Variants in GRIP1 observed in about 807,000 individuals in gnomAD.
GRIP1 encodes glutamate receptor interacting protein 1.
GRIP1 carries 45 observed loss-of-function variants against 129.9 expected under a neutral mutation model. That is an observed-to-expected ratio of 0.35 (90% confidence interval 0.27 to 0.44). The LOEUF (loss-of-function observed/expected upper bound fraction) is 0.44. Among genes scored for constraint, GRIP1 ranks in the 20% least tolerant of loss-of-function variants. The pLI is 1.00. For synonymous variants in GRIP1, 530 were observed against 520.8 expected (o/e 1.02, Z -0.24); for missense variants, 1,196 against 1,396.8 (o/e 0.86, Z 2.29).
At chr12:66,866,468 A>G (rs1051937232) in intron 1 of GRIP1, among the ~76,000 whole-genome samples, 10 of 152,126 alleles carry the variant, frequency 6.6e-5, no homozygotes, top group Non-Finnish European at 1.5e-4. Flanking sequence ...GTCAATTGTC[A>G]GGTCAACTGT....
At chr12:67,030,641 T>G (rs1269372109) in intron 1 of GRIP1, among the ~76,000 whole-genome samples, 1 of 152,218 alleles carries the variant, frequency 6.6e-6, no homozygotes, top group Non-Finnish European at 1.5e-5. Context: ...TCACCAAACC[T>G]TCTGAGAACA....
chr12:66,697,815 T>G (rs958451271), intron 1 of GRIP1, among the ~76,000 whole-genome samples: 1 of 152,200 alleles, frequency 6.6e-6, no homozygotes, highest in African/African-American at 2.4e-5. Flanking sequence ...AGTTCTGGCC[T>G]TATTCAAACT....
intron 23 of GRIP1, among the ~76,000 whole-genome samples, chr12:66,357,280 G>T (rs570305353): frequency 3.9e-5 from 6 of 152,174 alleles, no homozygotes; most frequent in South Asian, 2.1e-4. Flanking sequence ...CCTGTGGTGG[G>T]TTCTCGTCCT....
intron 1 of GRIP1, among the ~76,000 whole-genome samples, chr12:67,022,632 A>G (rs2042884353): frequency 6.6e-6 from 1 of 152,204 alleles, no homozygotes; most frequent in African/African-American, 2.4e-5. Flanking sequence ...AACAATTTGA[A>G]TAGATTTGTA....
chr12:66,879,941 A>C (rs1285864950), intron 1 of GRIP1, among the ~76,000 whole-genome samples: 3 of 152,082 alleles, frequency 2.0e-5, no homozygotes, highest in Non-Finnish European at 2.9e-5. Context: ...CAGTGTAAGA[A>C]AGAGTGAACC....
chr12:66,834,159 CA>C (rs1162713577), intron 1 of GRIP1, among the ~76,000 whole-genome samples: 8 of 115,538 alleles, frequency 6.9e-5, no homozygotes, highest in Admixed American at 1.3e-4. Flanking sequence ...GCCTGTGCAA[CA>C]CAGCGAGACT....
chr12:66,491,347 CACA>C (rs950352386), intron 7 of GRIP1, among the ~76,000 whole-genome samples: 1 of 152,128 alleles, frequency 6.6e-6, no homozygotes, highest in Non-Finnish European at 1.5e-5. Context: ...TTATCCTCAG[CACA>C]ACAACACAGG....
intron 7 of GRIP1, among the ~76,000 whole-genome samples, chr12:66,473,251 C>G (rs1023045200): frequency 6.6e-6 from 1 of 152,222 alleles, no homozygotes; most frequent in African/African-American, 2.4e-5. Flanking sequence ...CTCGGCAAAG[C>G]TGCTGTGGCC....
chr12:66,780,753 G>T (rs1331695440), intron 1 of GRIP1, among the ~76,000 whole-genome samples: 1 of 152,098 alleles, frequency 6.6e-6, no homozygotes, highest in Non-Finnish European at 1.5e-5. Context: ...GACTTTTAAG[G>T]CCAGATCATA....
intron 1 of GRIP1, among the ~76,000 whole-genome samples, chr12:66,598,658 T>A (rs951411770): frequency 4.6e-5 from 7 of 152,214 alleles, no homozygotes; most frequent in Non-Finnish European, 8.8e-5. Flanking sequence ...AAAACAGACG[T>A]ACTATGTATT....
In GRIP1 at chr12:66,589,258, C is replaced by T. The variant is rs566771846; in HGVS notation, c.136+7589G>A. Among the ~76,000 whole-genome samples the T allele has an allele frequency of 2.3e-4, 34 of 148,230 alleles. 1 individual carries two copies. The highest frequency in any genetic ancestry group is 1.5e-3 in the South Asian group (7 of 4,528). ...TCTGTCTCTCTCTCTCTCTTACTCTCGCTCTAGGTTAGGTTACTCCTATGA... is the reference window on the plus strand; with the variant it reads ...TCTGTCTCTCTCTCTCTCTTACTCTTGCTCTAGGTTAGGTTACTCCTATGA... On this transcript the variant is annotated intron_variant, in intron 2 of 24. Transcript: ENST00000359742.
upstream of GRIP1, among the ~76,000 whole-genome samples, chr12:66,806,035 A>C (rs2038986029): frequency 6.6e-6 from 1 of 151,408 alleles, no homozygotes; most frequent in Non-Finnish European, 1.5e-5. Context: ...AACCAAAACA[A>C]ACTAGAACAA....
intron 1 of GRIP1, among the ~76,000 whole-genome samples, chr12:66,635,031 C>T (rs2031217699): frequency 6.6e-6 from 1 of 152,178 alleles, no homozygotes; most frequent in South Asian, 2.1e-4. Context: ...GACAAATAAT[C>T]TGTGACCTCT....
chr12:66,669,268 A>G (rs1003374559), intron 1 of GRIP1, among the ~76,000 whole-genome samples: 1 of 152,004 alleles, frequency 6.6e-6, no homozygotes, highest in African/African-American at 2.4e-5. Flanking sequence ...GGTGCCTGTA[A>G]TCCCAGCTAC....
intron 2 of GRIP1, among the ~76,000 whole-genome samples, chr12:66,595,413 T>C (rs2064010805): frequency 6.6e-6 from 1 of 152,190 alleles, no homozygotes. Context: ...ACATTGATAA[T>C]AGCATATTTG....
chr12:66,506,354 A>G (rs2060526216), intron 7 of GRIP1, among the ~76,000 whole-genome samples: 1 of 152,210 alleles, frequency 6.6e-6, no homozygotes, highest in Non-Finnish European at 1.5e-5. Context: ...CTATAAAACA[A>G]TGAAAAAGAA....
At chr12:66,955,157 G>A (rs2041819530) in intron 1 of GRIP1, among the ~76,000 whole-genome samples, 1 of 152,072 alleles carries the variant, frequency 6.6e-6, no homozygotes, top group Admixed American at 6.5e-5. Context: ...CATTATTATT[G>A]TTTCACCTAT....
At chr12:66,767,344 A>G (rs1481127071) in intron 1 of GRIP1, among the ~76,000 whole-genome samples, 1 of 152,186 alleles carries the variant, frequency 6.6e-6, no homozygotes, top group Non-Finnish European at 1.5e-5. Context: ...AGTTCTCAAA[A>G]GAAGCATCTA....
chr12:66,998,124 T>C (rs978153585), intron 1 of GRIP1, among the ~76,000 whole-genome samples: 3 of 152,170 alleles, frequency 2.0e-5, no homozygotes, highest in African/African-American at 7.2e-5. Flanking sequence ...TATGTGGCTA[T>C]TTAAGCAATG....
Sources: allele counts gnomAD v4.1 joint callset (sites outside exome capture counted in the v4.1 genomes callset), GRCh38; gene constraint gnomAD v4.1.1; transcripts MANE v1.5; gene names NCBI Gene and HGNC (gene_info 2026-07-23, HGNC 2026-07-21).